ROCK2: variants seen among roughly 807,000 people sequenced by gnomAD.
The protein encoded by ROCK2 is Rho associated coiled-coil containing protein kinase 2.
Under a neutral mutation model 195.1 loss-of-function variants are expected in ROCK2, and 61 were observed. That is an observed-to-expected ratio of 0.31 (90% CI 0.25 to 0.39). ROCK2 has a LOEUF of 0.39. ROCK2 is among the 10% of genes least tolerant of loss of function. The pLI is 1.00. For missense variants in ROCK2, 1,109 were observed against 1,637.4 expected, an observed-to-expected ratio of 0.68 and a Z score of 5.57; for synonymous variants, 504 against 545.5, an observed-to-expected ratio of 0.92 and a Z score of 1.06.
chr2:11,199,906 T>C (rs1272605687), intron 23 of ROCK2, among the ~76,000 whole-genome samples: 1 of 152,218 alleles, frequency 6.6e-6, no homozygotes, highest in Non-Finnish European at 1.5e-5. Flanking sequence ...CTGGAAACTG[T>C]CATACTACTT....
At chr2:11,284,579 T>A (rs1046036039) in intron 3 of ROCK2, among the ~76,000 whole-genome samples, 34 of 152,098 alleles carry the variant, frequency 2.2e-4, no homozygotes, top group Admixed American at 1.1e-3. Context: ...AGTCTTTTTT[T>A]AAAAAAACAG....
intron 4 of ROCK2, among the ~76,000 whole-genome samples, chr2:11,239,998 C>T (rs1665365889): frequency 6.6e-6 from 1 of 152,188 alleles, no homozygotes; most frequent in African/African-American, 2.4e-5. Context: ...AGCTTCTCCA[C>T]CCTGTCTGTG....
At chr2:11,304,796 G>A (rs1223039921) in intron 1 of ROCK2, among the ~76,000 whole-genome samples, 2 of 152,060 alleles carry the variant, frequency 1.3e-5, no homozygotes, top group Admixed American at 1.3e-4. Flanking sequence ...ATCACAACCG[G>A]TACCCTACAC....
Position 11,201,107 on chromosome 2 carries a change from G to C in ROCK2, c.2760C>G (p.Thr920=), listed in dbSNP as rs1440564891. 6.2e-7 allele frequency: 1 copy of C among 1,611,754 alleles called. No individual in the cohort carries two copies. Among genetic ancestry groups the C allele is most frequent in the East Asian group, 2.2e-5 (1 of 44,850 alleles). The part of the protein sequence containing the change: ...SLAAQLEITL[T]KADSEQLARS... The stretch of plus-strand genomic sequence containing the variant: ...GAGCCAGTTGCTCAGAATCTGCTTT[G>C]GTCAAGGTGATCTCCAGTTGGGCAG... The change falls in exon 23 of 33, where the codon ACC becomes ACG. Residue 920 remains threonine, a synonymous_variant. Transcript: ENST00000315872. The surrounding 1 kb of genome is among the most constrained non-coding windows in gnomAD (Gnocchi z 4.6).
At chr2:11,310,608 C>T (rs1047941282) in intron 1 of ROCK2, among the ~76,000 whole-genome samples, 1 of 152,024 alleles carries the variant, frequency 6.6e-6, no homozygotes, top group Non-Finnish European at 1.5e-5. Flanking sequence ...CCTGAGAATG[C>T]AAAATAATAT....
intron 4 of ROCK2, among the ~76,000 whole-genome samples, chr2:11,241,096 T>C (rs562078017): frequency 1.2e-4 from 19 of 152,202 alleles, no homozygotes; most frequent in Admixed American, 4.6e-4. Flanking sequence ...AACAGATAAA[T>C]TGTCACATCT....
At chr2:11,219,336 CAAAAAAAAAAA>C (rs35159426) in intron 9 of ROCK2, among the ~76,000 whole-genome samples, 4 of 67,378 alleles carry the variant, frequency 5.9e-5, no homozygotes, top group East Asian at 4.5e-4. Context: ...CTTATCTCTA[CAAAAAAAAAAA>C]AAAAAAAAAA....
chr2:11,300,044 A>T (rs932639991), intron 1 of ROCK2, among the ~76,000 whole-genome samples: 1 of 152,176 alleles, frequency 6.6e-6, no homozygotes, highest in African/African-American at 2.4e-5. Context: ...TCTATTTCAT[A>T]TTTTGGTAGC....
intron 18 of ROCK2, among the ~76,000 whole-genome samples, chr2:11,210,026 T>C (rs1664194209): frequency 6.6e-6 from 1 of 152,220 alleles, no homozygotes; most frequent in East Asian, 1.9e-4. Flanking sequence ...AGCCATGTTC[T>C]TAATCCAAGG....
intron 32 of ROCK2, among the ~76,000 whole-genome samples, chr2:11,190,368 A>T (rs1166658797): frequency 0.032 from 1,375 of 43,592 alleles, 15 homozygotes; most frequent in African/African-American, 0.058. Flanking sequence ...AAGTTTTTTA[A>T]AAAAAAAAAA....
At chr2:11,311,179 C>T (rs974913619) in intron 1 of ROCK2, among the ~76,000 whole-genome samples, 4 of 152,042 alleles carry the variant, frequency 2.6e-5, no homozygotes, top group African/African-American at 4.8e-5. Context: ...TCTATCTCTA[C>T]CAATGATAGA....
chr2:11,275,053 T>A (rs1454328919), intron 3 of ROCK2, among the ~76,000 whole-genome samples: 1 of 152,004 alleles, frequency 6.6e-6, no homozygotes, highest in African/African-American at 2.4e-5. Flanking sequence ...GGTCAGGAGG[T>A]CGAGACCAGC....
At chr2:11,187,962 T>TA (rs2148022926) in intron 32 of ROCK2, among the ~76,000 whole-genome samples, 1 of 152,330 alleles carries the variant, frequency 6.6e-6, no homozygotes, top group South Asian at 2.1e-4. Context: ...TGCCATGTTT[T>TA]ACACTTCTTA....
intron 1 of ROCK2, among the ~76,000 whole-genome samples, chr2:11,291,006 G>A (rs147714607): frequency 1.0e-3 from 153 of 152,264 alleles, no homozygotes; most frequent in African/African-American, 3.5e-3. Flanking sequence ...AACTTAGGTT[G>A]TCTATATGCA....
chr2:11,197,449 C>T lies in ROCK2; in HGVS notation c.3279+77G>A. On this transcript the variant is annotated intron_variant, in intron 26 of 32. Transcript: ENST00000315872. The surrounding 1 kb of genome is among the most constrained non-coding windows in gnomAD (Gnocchi z 4.9). ...TTATTAAATAGAAATGGTCTATAACCAGTAAAACACAGACATGAAAATAAT... is the reference window on the plus strand; with the variant it reads ...TTATTAAATAGAAATGGTCTATAACTAGTAAAACACAGACATGAAAATAAT... 1.3e-6 allele frequency: 2 copies of T among 1,530,140 alleles called. No homozygotes were observed. Among genetic ancestry groups the T allele is most frequent in the Admixed American group, 1.9e-5 (1 of 53,392 alleles). The allele number at this position is 1,530,140 out of a possible 1,614,324, so 94.8% of individuals were successfully genotyped here. A position where few individuals can be genotyped will look rare whatever the true frequency, so the allele number is the denominator to read the frequency against.
intron 32 of ROCK2, among the ~76,000 whole-genome samples, chr2:11,188,033 A>G (rs895233248): frequency 6.6e-6 from 1 of 152,014 alleles, no homozygotes; most frequent in Non-Finnish European, 1.5e-5. Context: ...TGCATTAAAT[A>G]CTGCGTTAAA....
chr2:11,202,491 A>AATG (rs993772932), intron 20 of ROCK2, among the ~76,000 whole-genome samples: 1 of 150,412 alleles, frequency 6.6e-6, no homozygotes, highest in Non-Finnish European at 1.5e-5. Context: ...TAATAATAAT[A>AATG]ATAATTATTA....
intron 3 of ROCK2, among the ~76,000 whole-genome samples, chr2:11,263,379 C>T: frequency 6.6e-6 from 1 of 152,142 alleles, no homozygotes; most frequent in Non-Finnish European, 1.5e-5. Flanking sequence ...TGGTTGCACA[C>T]ACACACATTA....
At chr2:11,188,718 G>A (rs1306743154) in intron 32 of ROCK2, among the ~76,000 whole-genome samples, 1 of 149,968 alleles carries the variant, frequency 6.7e-6, no homozygotes, top group African/African-American at 2.4e-5. Context: ...CCGCCTCCCG[G>A]GTTCACGCCA....
Sources: allele counts gnomAD v4.1 joint callset (sites outside exome capture counted in the v4.1 genomes callset), GRCh38; gene constraint gnomAD v4.1.1; non-coding constraint Gnocchi (gnomAD v3.1); transcripts MANE v1.5; gene names NCBI Gene and HGNC (gene_info 2026-07-23, HGNC 2026-07-21).